The following TTLL3 variants were observed in gnomAD, a reference collection of about 807,000 sequenced individuals.
TTLL3 encodes tubulin monoglycylase TTLL3.
Under a neutral mutation model 75.2 loss-of-function variants are expected in TTLL3, and 63 were observed. That is an observed-to-expected ratio of 0.84 (90% CI 0.68 to 1.03). The LOEUF (loss-of-function observed/expected upper bound fraction) is 1.03, where lower values mean the gene tolerates loss of function less well. Among genes scored for constraint, TTLL3 ranks in the 50% least tolerant of loss-of-function variants. TTLL3 has a pLI of 0.00. For synonymous variants in TTLL3, 393 were observed against 418.5 expected (o/e 0.94, Z 0.74); for missense variants, 997 against 1,069.9 (o/e 0.93, Z 0.95).
chr3:9,811,501 G>T (rs1410798160), intron 2 of TTLL3, among the ~76,000 whole-genome samples: 2 of 152,196 alleles, frequency 1.3e-5, no homozygotes, highest in African/African-American at 2.4e-5. Flanking sequence ...TCTCCCGTCT[G>T]TGTTGTAACC....
In TTLL3 at chr3:9,834,097, A is replaced by G. The variant is rs1325833416; in HGVS notation, c.1826-584A>G. 2.2e-5 allele frequency: 6 copies of G among 271,434 alleles called. No individual in the cohort carries two copies. The Admixed American group carries it at 2.3e-4, about 11-fold the overall frequency. 16.8% of individuals were successfully genotyped at this position (271,434 alleles called of 1,614,324 possible). On this transcript the variant is annotated intron_variant, in intron 12 of 13. Coordinates refer to ENST00000685419, the MANE Select transcript of TTLL3 (RefSeq NM_001387446.1). Reference sequence around the variant, plus strand: ...ATTGCACTCCAGCCTGGGCAACAAGAGCAAAACTCTGTCTCAAAAAAAAAA... The same window carrying G: ...ATTGCACTCCAGCCTGGGCAACAAGGGCAAAACTCTGTCTCAAAAAAAAAA...
chr3:9,822,354 A>G (rs2080522222), intron 8 of TTLL3, among the ~76,000 whole-genome samples: 1 of 151,932 alleles, frequency 6.6e-6, no homozygotes, highest in African/African-American at 2.4e-5. Flanking sequence ...GGCATGAGCC[A>G]CCGCGCCCGG....
intron 9 of TTLL3, among the ~76,000 whole-genome samples, chr3:9,826,746 A>AG (rs1186057812): frequency 1.3e-5 from 2 of 151,860 alleles, no homozygotes; most frequent in Non-Finnish European, 2.9e-5. Context: ...AAAAAAAAAA[A>AG]AAGTCCAGCA....
rs766165173 is a variant in TTLL3, at chr3:9,813,020, G to A, written c.126G>A (p.Lys42=). ...TGCGCCGGAGGGGCTGGGTGGAGAA[G>A]AAGATGGTCCATCGCTCAGGCCCCA... ...CLLRRRGWVE[K]KMVHRSGPTL... The change falls in exon 3 of 14, where the codon AAG becomes AAA. Residue 42 remains lysine (K), a synonymous_variant. Transcript: ENST00000685419. The A allele has an allele frequency of 1.3e-6, 2 of 1,583,348 alleles. No individual in the cohort carries two copies. Among genetic ancestry groups the A allele is most frequent in the Non-Finnish European group, 8.6e-7 (1 of 1,162,554 alleles).
At position 9,834,875 on chromosome 3, in the gene TTLL3, A is replaced by T. The variant is rs1459921306; in HGVS notation, c.2020A>T (p.Lys674Ter). 1.9e-6 allele frequency: 3 copies of T among 1,614,074 alleles called. No homozygotes were observed. Among genetic ancestry groups the T allele is most frequent in the Non-Finnish European group, 2.5e-6 (3 of 1,180,036 alleles). Residue 674 changes from lysine to a stop codon, truncating the protein, a stop_gained, in exon 13 of 14, where the codon AAG becomes TAG. Coordinates refer to ENST00000685419, the MANE Select transcript of TTLL3 (RefSeq NM_001387446.1). LOFTEE classifies it low-confidence loss of function (END_TRUNC). ...FISLPPNLDF[K>*]VAPSILKPRK... The stretch of plus-strand genomic sequence containing the variant: ...TTCCCTCCCACCGAACCTTGATTTC[A>T]AGGTGGCACCCAGCATCCTGAAGCC...
chr3:9,821,053 G>A, intron 8 of TTLL3: 1 of 348,462 alleles, frequency 2.9e-6, no homozygotes, highest in South Asian at 5.1e-5. Context: ...GGCTTTTGTG[G>A]TCCATCACAT....
chr3:9,819,829 G>T, intron 7 of TTLL3: 3 of 985,444 alleles, frequency 3.0e-6, no homozygotes, highest in South Asian at 9.4e-5. Flanking sequence ...GGAAGGCTTG[G>T]TTGTGTGCCA....
At position 9,810,804 on chromosome 3, in the gene TTLL3, A is replaced by AGGCCGGGCGCGGTGGCTCACGCCTGT; in HGVS notation, c.48+95_48+96insGGCCGGGCGCGGTGGCTCACGCCTGT. On this transcript the variant is annotated intron_variant, in intron 2 of 13. Coordinates refer to ENST00000685419, the MANE Select transcript of TTLL3 (RefSeq NM_001387446.1). The surrounding 1 kb of genome is among the most constrained non-coding windows in gnomAD (Gnocchi z 4.4). Reference sequence around the variant, plus strand: ...TCTTATATCCTTAAAAAACAAAAGCAAAAGAAAAAACAATAGCAAAAATCC... The same window carrying AGGCCGGGCGCGGTGGCTCACGCCTGT: ...TCTTATATCCTTAAAAAACAAAAGCAGGCCGGGCGCGGTGGCTCACGCCTGTAAAGAAAAAACAATAGCAAAAATCC... The AGGCCGGGCGCGGTGGCTCACGCCTGT allele has an allele frequency of 8.2e-7, 1 of 1,214,070 alleles. No homozygotes were observed. Among genetic ancestry groups the AGGCCGGGCGCGGTGGCTCACGCCTGT allele is most frequent in the Non-Finnish European group, 1.1e-6 (1 of 881,668 alleles). The allele number at this position is 1,214,070 out of a possible 1,614,324, so 75.2% of individuals were successfully genotyped here.
chr3:9,812,923 A>G lies in TTLL3; in HGVS notation c.49-20A>G, dbSNP rs771354865. 4 of 1,482,170 alleles carry G rather than the reference A, an allele frequency of 2.7e-6. No homozygotes were observed. The Admixed American group carries it at 9.4e-5, about 35-fold the overall frequency. 91.8% of individuals were successfully genotyped at this position (1,482,170 alleles called of 1,614,324 possible). A position where few individuals can be genotyped will look rare whatever the true frequency, so the allele number is the denominator to read the frequency against. ...CTTATGCAATACTTATTGAAGAAGT[A>G]TCCTTCTCTCACATTGCAGCAGAAG... is the stretch of plus-strand genomic sequence containing the variant. On this transcript the variant is annotated intron_variant, in intron 2 of 13. Transcript: ENST00000685419.
chr3:9,834,565 CG>C, intron 12 of TTLL3, 115 bp from the exon 13 acceptor site: 1 of 1,495,384 alleles, frequency 6.7e-7, no homozygotes, highest in Non-Finnish European at 9.0e-7. Flanking sequence ...GGGAGGGCTC[CG>C]TCGGCCTTCA....
intron 8 of TTLL3, among the ~76,000 whole-genome samples, chr3:9,822,062 C>CTTTTTTTT (rs1201552537): frequency 1.3e-5 from 1 of 75,358 alleles, no homozygotes; most frequent in Non-Finnish European, 2.4e-5. Context: ...GCACGAGTCC[C>CTTTTTTTT]TTTTTTTTTT....
At chr3:9,823,408 T>TG (rs1274036696) in intron 8 of TTLL3, among the ~76,000 whole-genome samples, 9 of 150,638 alleles carry the variant, frequency 6.0e-5, no homozygotes, top group Non-Finnish European at 7.4e-5. Flanking sequence ...GCCAGTTTTT[T>TG]TTTTTTTTTT....
At position 9,810,684 on chromosome 3, in the gene TTLL3, A is replaced by G; in HGVS notation, c.23A>G (p.Lys8Arg). MNRLRNA[K>R]IYVERAVKQK... is the part of the protein sequence containing the mutation. Reference sequence around the variant, plus strand: ...CACATGAACCGGCTCAGAAACGCCAAAATCTACGTGGAGAGAGCTGTCAAG... The same window carrying G: ...CACATGAACCGGCTCAGAAACGCCAGAATCTACGTGGAGAGAGCTGTCAAG... The change falls in exon 2 of 14, where the codon AAA becomes AGA. Residue 8 changes from lysine to arginine, a missense_variant. Transcript: ENST00000685419. The surrounding 1 kb of genome is among the most constrained non-coding windows in gnomAD (Gnocchi z 4.4). 1 of 1,587,862 alleles carries G rather than the reference A, an allele frequency of 6.3e-7. No individual in the cohort carries two copies. Among genetic ancestry groups the G allele is most frequent in the Non-Finnish European group, 8.6e-7 (1 of 1,167,676 alleles).
At chr3:9,832,080 A>AT (rs34646268) in intron 11 of TTLL3, among the ~76,000 whole-genome samples, 3,806 of 84,660 alleles carry the variant, frequency 0.045, 312 homozygotes, top group Admixed American at 0.12. Context: ...CAATAGCTGC[A>AT]TTTTTTTTTT....
chr3:9,828,777 TGGCCCTAGAAGAATGTGGTGG>T, intron 10 of TTLL3, 162 bp from the exon 11 acceptor site: 1 of 748,290 alleles, frequency 1.3e-6, no homozygotes, highest in Non-Finnish European at 2.1e-6. Context: ...AGAGTGGTTC[TGGCCCTAGAAGAATGTGGTGG>T]GGCCCAGGCC....
At chr3:9,822,718 T>C (rs1331452446) in intron 8 of TTLL3, among the ~76,000 whole-genome samples, 7 of 132,056 alleles carry the variant, frequency 5.3e-5, no homozygotes, top group Admixed American at 3.2e-4. Flanking sequence ...TATATCGTTG[T>C]ATGTATATAT....
intron 11 of TTLL3, among the ~76,000 whole-genome samples, chr3:9,830,498 G>A (rs367678109): frequency 2.3e-4 from 35 of 152,184 alleles, no homozygotes; most frequent in Non-Finnish European, 5.9e-5. Flanking sequence ...GGAAGAGAAC[G>A]TACTGATCAC....
chr3:9,815,055 T>C (rs2079706089), intron 4 of TTLL3, among the ~76,000 whole-genome samples: 1 of 151,626 alleles, frequency 6.6e-6, no homozygotes, highest in African/African-American at 2.4e-5. Context: ...CTGGGGAACA[T>C]GGTGAAACCC....
rs539310757 is a variant in TTLL3 at position 9,820,389 on chromosome 3, G to A, written c.659-157G>A. The A allele has an allele frequency of 7.3e-6, 11 of 1,503,410 alleles. No individual in the cohort carries two copies. The South Asian group carries it at 9.6e-5, about 13-fold the overall frequency. 93.1% of individuals were successfully genotyped at this position (1,503,410 alleles called of 1,614,324 possible). On this transcript the variant is annotated intron_variant, in intron 7 of 13. Coordinates refer to ENST00000685419, the MANE Select transcript of TTLL3 (RefSeq NM_001387446.1). ...AGAGTTGCAGTGAATTTAGAGCAAA[G>A]CCTCAGCTAAGTGACACATCCCAGG...
Sources: allele counts gnomAD v4.1 joint callset (sites outside exome capture counted in the v4.1 genomes callset), GRCh38; gene constraint gnomAD v4.1.1; non-coding constraint Gnocchi (gnomAD v3.1); transcripts MANE v1.5; gene names NCBI Gene and HGNC (gene_info 2026-07-23, HGNC 2026-07-21).